Variants in ATF7IP observed in about 807,000 individuals in gnomAD.
The protein encoded by ATF7IP is activating transcription factor 7-interacting protein 1.
A neutral mutation model predicts 106.4 loss-of-function variants in ATF7IP; 23 were observed. The observed-to-expected ratio is 0.22, with a 90% CI of 0.16 to 0.31. The LOEUF (loss-of-function observed/expected upper bound fraction) is 0.31, where lower values mean the gene tolerates loss of function less well. Among genes scored for constraint, ATF7IP ranks in the 10% least tolerant of loss-of-function variants. The pLI is 1.00. For missense variants in ATF7IP, 1,334 were observed against 1,524.3 expected, an observed-to-expected ratio of 0.88 and a Z score of 2.08; for synonymous variants, 542 against 539.0, an observed-to-expected ratio of 1.01 and a Z score of -0.08.
chr12:14,415,947 G>C (rs1259167561), intron 1 of ATF7IP, among the ~76,000 whole-genome samples: 1 of 152,076 alleles, frequency 6.6e-6, no homozygotes, highest in African/African-American at 2.4e-5. Context: ...CCTGGGACCA[G>C]TCTCCCACAA....
At chr12:14,475,435 G>C (rs1944225141) in intron 10 of ATF7IP, among the ~76,000 whole-genome samples, 1 of 152,138 alleles carries the variant, frequency 6.6e-6, no homozygotes, top group Non-Finnish European at 1.5e-5. Flanking sequence ...TAATAGCATA[G>C]CATACCATAT....
At chr12:14,430,464 A>G (rs759861686) in intron 2 of ATF7IP, among the ~76,000 whole-genome samples, 4 of 152,228 alleles carry the variant, frequency 2.6e-5, no homozygotes, top group African/African-American at 4.8e-5. Context: ...AAAAATTCAC[A>G]TAGGAGATAT....
intron 1 of ATF7IP, chr12:14,408,518 A>G (rs537324239): frequency 7.2e-5 from 11 of 152,326 alleles, no homozygotes; most frequent in African/African-American, 2.6e-4. Context: ...AGAACTGATA[A>G]GATGGCTGCA....
In ATF7IP at chr12:14,502,138, G is replaced by A. The variant is rs1413964469; in HGVS notation, c.*4065G>A. The A allele has an allele frequency of 1.3e-5, 2 of 152,118 alleles. No individual in the cohort carries two copies. The highest frequency in any genetic ancestry group is 2.9e-5 in the Non-Finnish European group (2 of 68,002). The allele number at this position is 152,118 out of a possible 1,614,324, so 9.4% of individuals were successfully genotyped here. A position where few individuals can be genotyped will look rare whatever the true frequency, so the allele number is the denominator to read the frequency against. On this transcript the variant is annotated 3_prime_UTR_variant, in exon 15 of 15. Transcript: ENST00000261168. ...TTTATCACTGACCTGTGGTTGGCCT[G>A]TTTTATTCTAATTTCCAGAAAAGTC...
intron 9 of ATF7IP, among the ~76,000 whole-genome samples, chr12:14,464,947 G>A (rs1257836069): frequency 6.6e-6 from 1 of 152,134 alleles, no homozygotes; most frequent in Non-Finnish European, 1.5e-5. Context: ...CAGGTATGTT[G>A]GCTCATGCCT....
chr12:14,384,829 A>G (rs1417693745), intron 1 of ATF7IP, among the ~76,000 whole-genome samples: 1 of 151,824 alleles, frequency 6.6e-6, no homozygotes, highest in Non-Finnish European at 1.5e-5. Context: ...ATTTTCTAGA[A>G]ATTATAAAAT....
chr12:14,365,683 A>T lies in ATF7IP; in HGVS notation c.-152A>T, dbSNP rs1449793551. 6.4e-6 allele frequency: 1 copy of T among 155,460 alleles called. No homozygotes were observed. Among genetic ancestry groups the T allele is most frequent in the Non-Finnish European group, 1.4e-5 (1 of 69,424 alleles). The allele number at this position is 155,460 out of a possible 1,614,324, so 9.6% of individuals were successfully genotyped here. ...CAAGGGAGAAGCGGGTTTGTTTTTGAATCTGCGGAGGCGGCGGCGGTGGCA... is the reference window on the plus strand; with the variant it reads ...CAAGGGAGAAGCGGGTTTGTTTTTGTATCTGCGGAGGCGGCGGCGGTGGCA... On this transcript the variant is annotated 5_prime_UTR_variant, in exon 1 of 15. Coordinates refer to ENST00000261168, the MANE Select transcript of ATF7IP (RefSeq NM_018179.5).
At chr12:14,476,838 T>C (rs933534921) in intron 11 of ATF7IP, among the ~76,000 whole-genome samples, 1 of 152,218 alleles carries the variant, frequency 6.6e-6, no homozygotes, top group African/African-American at 2.4e-5. Context: ...TTCTGAGTTA[T>C]AATATTTAGA....
chr12:14,450,756 C>T (rs576186019), intron 6 of ATF7IP, among the ~76,000 whole-genome samples: 1 of 152,070 alleles, frequency 6.6e-6, no homozygotes, highest in East Asian at 1.9e-4. Flanking sequence ...GCCATCTGGT[C>T]TTAGGTTTTT....
chr12:14,392,813 C>T (rs1939638443), intron 1 of ATF7IP, among the ~76,000 whole-genome samples: 1 of 152,164 alleles, frequency 6.6e-6, no homozygotes, highest in African/African-American at 2.4e-5. Context: ...ATTTTTACAT[C>T]AATCTGATAA....
At chr12:14,379,049 C>A (rs980870841) in intron 1 of ATF7IP, among the ~76,000 whole-genome samples, 1 of 152,078 alleles carries the variant, frequency 6.6e-6, no homozygotes, top group Non-Finnish European at 1.5e-5. Context: ...GGATTTGTAT[C>A]CCCACCCAAA....
intron 1 of ATF7IP, chr12:14,385,477 T>C (rs1939184006): frequency 2.3e-6 from 3 of 1,328,860 alleles, no homozygotes; most frequent in African/African-American, 1.5e-5. Flanking sequence ...TGAGTTTACT[T>C]AGAGGGGTGA....
intron 1 of ATF7IP, among the ~76,000 whole-genome samples, chr12:14,420,880 G>A (rs1941475416): frequency 6.6e-6 from 1 of 152,186 alleles, no homozygotes; most frequent in African/African-American, 2.4e-5. Context: ...CAAAGCAAAT[G>A]TATTCTACCA....
chr12:14,420,011 CTTA>C (rs1211475883), intron 1 of ATF7IP: 1 of 152,150 alleles, frequency 6.6e-6, no homozygotes, highest in Non-Finnish European at 1.5e-5. Context: ...GTAGGCTAGG[CTTA>C]TTATTTTATG....
chr12:14,378,845 TAC>T (rs1223925160), intron 1 of ATF7IP, among the ~76,000 whole-genome samples: 3 of 152,330 alleles, frequency 2.0e-5, no homozygotes, highest in African/African-American at 7.2e-5. Context: ...GACGATTTGG[TAC>T]AGTTACTAAT....
chr12:14,415,466 G>GGGGAATTGTTGGTAACCTTGTCTA (rs1249610571), intron 1 of ATF7IP, among the ~76,000 whole-genome samples: 1 of 152,164 alleles, frequency 6.6e-6, no homozygotes, highest in Non-Finnish European at 1.5e-5. Context: ...TGCCTTGTCT[G>GGGGAATTGTTGGTAACCTTGTCTA]GGGAATTGTT....
At chr12:14,427,484 G>A (rs149206741) in intron 2 of ATF7IP, among the ~76,000 whole-genome samples, 129 of 151,622 alleles carry the variant, frequency 8.5e-4, no homozygotes, top group African/African-American at 2.9e-3. Context: ...TCCCCACTCC[G>A]CCTCCTGCGT....
rs61754408 is a variant in ATF7IP at position 14,478,405 on chromosome 12, G to A, written c.3030G>A (p.Pro1010=). Residue 1010 remains proline, a synonymous_variant, in exon 12 of 15, where the codon CCG becomes CCA. Transcript: ENST00000261168. ...CATTGCAACCCATACAACCAGCACC[G>A]CCTCTTCAACCATCTGGGGTGCCAA... ...SRPLQPIQPA[P]PLQPSGVPTS... is the part of the protein sequence containing the mutation. 9.0e-3 allele frequency: 14,605 copies of A among 1,613,852 alleles called. 1,152 individuals carry two copies. In the African/African-American group the frequency reaches 0.17, roughly 19 times the overall value.
At chr12:14,480,339 G>A (rs2136809203) in intron 12 of ATF7IP, among the ~76,000 whole-genome samples, 1 of 152,056 alleles carries the variant, frequency 6.6e-6, no homozygotes, top group African/African-American at 2.4e-5. Context: ...CTCATTTTTT[G>A]ATAAATATTT....
Sources: gnomAD v4.1 joint callset for allele counts (sites outside exome capture counted in the v4.1 genomes callset) on GRCh38, gnomAD v4.1.1 for gene constraint, MANE v1.5 for transcripts, NCBI Gene and HGNC (gene_info 2026-07-23, HGNC 2026-07-21) for gene names.